RAB3C: variants seen among roughly 807,000 people sequenced by gnomAD.
RAB3C encodes the protein ras-related protein Rab-3C.
In RAB3C, 17 loss-of-function variants were observed where a neutral mutation model predicts 26.4. The ratio of observed to expected loss-of-function variants is 0.64; its 90% CI spans 0.44 to 0.97. RAB3C has a LOEUF of 0.97. RAB3C is among the 50% of genes least tolerant of loss of function. The pLI is 0.00. For synonymous variants in RAB3C, 91 were observed against 95.9 expected (o/e 0.95, Z 0.30); for missense variants, 242 against 281.9 (o/e 0.86, Z 1.01).
intron 3 of RAB3C, among the ~76,000 whole-genome samples, chr5:58,748,593 G>GGT (rs146847636): frequency 3.1e-4 from 46 of 150,134 alleles, no homozygotes; most frequent in East Asian, 9.7e-4. Context: ...AAGTCCCATG[G>GGT]GTGTGTGTGT....
rs1330060589 is a variant in RAB3C, at chr5:58,852,961, A to G, written c.*1610A>G. 1 of 152,234 alleles carries G rather than the reference A, an allele frequency of 6.6e-6. No homozygotes were observed. Among genetic ancestry groups the G allele is most frequent in the Non-Finnish European group, 1.5e-5 (1 of 68,044 alleles). The allele number at this position is 152,234 out of a possible 1,614,324, so 9.4% of individuals were successfully genotyped here. A position where few individuals can be genotyped will look rare whatever the true frequency, so the allele number is the denominator to read the frequency against. On this transcript the variant is annotated 3_prime_UTR_variant, in exon 5 of 5. Transcript: ENST00000282878. ...ATATCTTTGGAGAATAAATCCTTAC[A>G]AGTCACAGAACTAGGTCACACACAT...
At chr5:58,817,289 G>C (rs538645939) in intron 3 of RAB3C, among the ~76,000 whole-genome samples, 83 of 152,114 alleles carry the variant, frequency 5.5e-4, no homozygotes, top group African/African-American at 2.0e-3. Context: ...TGTAGCAATT[G>C]TACCAAAAAA....
chr5:58,821,341 G>C (rs1001343544), intron 3 of RAB3C, among the ~76,000 whole-genome samples: 1 of 152,200 alleles, frequency 6.6e-6, no homozygotes, highest in African/African-American at 2.4e-5. Flanking sequence ...ATAGGAACAA[G>C]AGATCATTTC....
At position 58,857,864 on chromosome 5, in the gene RAB3C, C is replaced by G. The variant is rs575774180; in HGVS notation, c.*6513C>G. 6.6e-6 allele frequency: 1 copy of G among 152,262 alleles called. No individual in the cohort carries two copies. Among genetic ancestry groups the G allele is most frequent in the African/African-American group, 2.4e-5 (1 of 41,556 alleles). The allele number at this position is 152,262 out of a possible 1,614,324, so 9.4% of individuals were successfully genotyped here. A position where few individuals can be genotyped will look rare whatever the true frequency, so the allele number is the denominator to read the frequency against. ...TGAGATGCAAAATCAAGAACTGAAGCCTAGTTGCTAGATAACGAAAAGCTA... is the reference window on the plus strand; with the variant it reads ...TGAGATGCAAAATCAAGAACTGAAGGCTAGTTGCTAGATAACGAAAAGCTA... On this transcript the variant is annotated 3_prime_UTR_variant, in exon 5 of 5. Coordinates refer to ENST00000282878, the MANE Select transcript of RAB3C (RefSeq NM_138453.4).
At chr5:58,754,124 G>C (rs1741594944) in intron 3 of RAB3C, among the ~76,000 whole-genome samples, 1 of 152,072 alleles carries the variant, frequency 6.6e-6, no homozygotes, top group Admixed American at 6.6e-5. Flanking sequence ...CATCACAAAA[G>C]GGTTAAATTT....
At position 58,783,270 on chromosome 5, in the gene RAB3C, A is replaced by T. The variant is rs143021723; in HGVS notation, c.372-41768A>T. ...ATTTTTTTAGATTAAAGGCTAAAAGATATCTTTACATCAAGCTCAGCTGAG... is the reference window on the plus strand; with the variant it reads ...ATTTTTTTAGATTAAAGGCTAAAAGTTATCTTTACATCAAGCTCAGCTGAG... On this transcript the variant is annotated intron_variant, in intron 3 of 4. Transcript: ENST00000282878. Among the ~76,000 whole-genome samples the T allele has an allele frequency of 2.2e-3, 338 of 152,288 alleles. 1 individual carries two copies. Among genetic ancestry groups the T allele is most frequent in the African/African-American group, 7.8e-3 (324 of 41,560 alleles).
Position 58,677,015 on chromosome 5 carries a change from G to T in RAB3C, c.253-48987G>T, listed in dbSNP as rs531387820. On this transcript the variant is annotated intron_variant, in intron 2 of 4. Transcript: ENST00000282878. ...CTAGAGGCCAGAATCTGAAATTATG[G>T]GGTTATCAGGAGCGTGCTCCCTCTT... Among the ~76,000 whole-genome samples the T allele has an allele frequency of 5.5e-4, 83 of 152,168 alleles. No homozygotes were observed. The South Asian group carries it at 6.2e-3, about 11-fold the overall frequency.
chr5:58,668,797 A>G (rs1047735568), intron 2 of RAB3C, among the ~76,000 whole-genome samples: 4 of 152,054 alleles, frequency 2.6e-5, no homozygotes, highest in Admixed American at 1.3e-4. Flanking sequence ...CTAGTCACTC[A>G]TGGTCTCCCA....
At chr5:58,592,610 A>G (rs1312832061) in intron 1 of RAB3C, among the ~76,000 whole-genome samples, 1 of 152,086 alleles carries the variant, frequency 6.6e-6, no homozygotes, top group African/African-American at 2.4e-5. Flanking sequence ...CTGGCAATTC[A>G]TTCTCTTAGT....
At chr5:58,809,990 T>C (rs1168701821) in intron 3 of RAB3C, among the ~76,000 whole-genome samples, 1 of 152,222 alleles carries the variant, frequency 6.6e-6, no homozygotes, top group East Asian at 1.9e-4. Context: ...CAGATGAAGC[T>C]TGCAGAACAG....
chr5:58,635,114 G>T lies in RAB3C; in HGVS notation c.252+17244G>T, dbSNP rs141784028. 5.8e-3 allele frequency among the ~76,000 whole-genome samples: 879 copies of T among 152,318 alleles called. 12 individuals are homozygous for T. The highest frequency in any genetic ancestry group is 0.02 in the African/African-American group (844 of 41,552). ...GAATATTTTCTGTCCAGTGTTCAGT[G>T]AGTGAAGGGATAAGTCATCAGAGCT... is the stretch of plus-strand genomic sequence containing the variant. On this transcript the variant is annotated intron_variant, in intron 2 of 4. Coordinates refer to ENST00000282878, the MANE Select transcript of RAB3C (RefSeq NM_138453.4).
rs747930429 is a variant in RAB3C, at chr5:58,825,122, C to T, written c.456C>T (p.Val152=). ...AGTGTGACATGGAAGACGAGCGGGT[C>T]ATCTCAACTGAGCGAGGTCAACATT... ...GNKCDMEDER[V]ISTERGQHLG... Residue 152 remains valine (V), a synonymous_variant, in exon 4 of 5, where the codon GTC becomes GTT. Coordinates refer to ENST00000282878, the MANE Select transcript of RAB3C (RefSeq NM_138453.4). 5 of 1,612,942 alleles carry T rather than the reference C, an allele frequency of 3.1e-6. No individual in the cohort carries two copies. The highest frequency in any genetic ancestry group is 2.2e-5 in the East Asian group (1 of 44,808).
intron 1 of RAB3C, among the ~76,000 whole-genome samples, chr5:58,593,735 T>C (rs1013595271): frequency 6.6e-6 from 1 of 152,200 alleles, no homozygotes; most frequent in African/African-American, 2.4e-5. Context: ...TGGTTTGAAG[T>C]GTGCTGTCAG....
chr5:58,830,025 G>A (rs997407541), intron 4 of RAB3C, among the ~76,000 whole-genome samples: 31 of 152,112 alleles, frequency 2.0e-4, no homozygotes, highest in African/African-American at 7.2e-4. Context: ...ACGTAAACAG[G>A]GCTGAGTGTA....
intron 3 of RAB3C, among the ~76,000 whole-genome samples, chr5:58,742,772 A>G (rs760173525): frequency 6.6e-6 from 1 of 152,218 alleles, no homozygotes; most frequent in Non-Finnish European, 1.5e-5. Flanking sequence ...TTTACATCCT[A>G]TGACCCTATA....
At chr5:58,754,458 C>G (rs1407331629) in intron 3 of RAB3C, among the ~76,000 whole-genome samples, 1 of 152,060 alleles carries the variant, frequency 6.6e-6, no homozygotes, top group Non-Finnish European at 1.5e-5. Context: ...GAAAAGAGGT[C>G]AAGGTCAGCG....
At chr5:58,810,938 C>G (rs1051681573) in intron 3 of RAB3C, among the ~76,000 whole-genome samples, 2 of 152,122 alleles carry the variant, frequency 1.3e-5, no homozygotes, top group African/African-American at 4.8e-5. Flanking sequence ...GAAATTTGCT[C>G]CCACCAAAAC....
At chr5:58,721,968 C>T (rs1199660512) in intron 2 of RAB3C, among the ~76,000 whole-genome samples, 1 of 151,522 alleles carries the variant, frequency 6.6e-6, no homozygotes, top group Non-Finnish European at 1.5e-5. Flanking sequence ...TTTTCCCTCT[C>T]TCTTTTTTGA....
chr5:58,806,314 G>GT (rs1214256582), intron 3 of RAB3C, among the ~76,000 whole-genome samples: 1 of 152,196 alleles, frequency 6.6e-6, no homozygotes, highest in Admixed American at 6.5e-5. Flanking sequence ...CTAGTACATA[G>GT]TAAGTGCTGC....
Sources: gnomAD v4.1 joint callset for allele counts (sites outside exome capture counted in the v4.1 genomes callset) on GRCh38, gnomAD v4.1.1 for gene constraint, MANE v1.5 for transcripts, NCBI Gene and HGNC (gene_info 2026-07-23, HGNC 2026-07-21) for gene names.